The following ADSS2 variants were observed in gnomAD, a reference collection of about 807,000 sequenced individuals.
ADSS2 encodes the protein adenylosuccinate synthase 2, also known as adenylosuccinate synthetase isozyme 2.
Under a neutral mutation model 60.0 loss-of-function variants are expected in ADSS2, and 30 were observed. That is an observed-to-expected ratio of 0.50 (90% confidence interval 0.37 to 0.68). The LOEUF (loss-of-function observed/expected upper bound fraction) is 0.68, where lower values mean the gene tolerates loss of function less well. Among genes scored for constraint, ADSS2 ranks in the 30% least tolerant of loss-of-function variants. The probability of loss-of-function intolerance (pLI) is 0.00; values close to 1 mark genes in which losing one functional copy is unlikely to be tolerated. For synonymous variants in ADSS2, 187 were observed against 193.1 expected, an observed-to-expected ratio of 0.97 and a Z score of 0.26; for missense variants, 373 against 554.8, an observed-to-expected ratio of 0.67 and a Z score of 3.29.
Position 244,447,963 on chromosome 1 carries a change from T to C in ADSS2, c.183+3672A>G, listed in dbSNP as rs150193960. 1.9e-4 allele frequency among the ~76,000 whole-genome samples: 29 copies of C among 152,248 alleles called. No individual in the cohort carries two copies. The East Asian group carries it at 3.9e-3, about 20-fold the overall frequency. ...CTCCCTTTTGAGAAAATTTACATTA[T>C]AGTAGAGAAAGCACAGTAACCAAAC... On this transcript the variant is annotated intron_variant, in intron 1 of 12. Transcript: ENST00000366535.
At chr1:244,434,627 G>A (rs1267164419) in intron 3 of ADSS2, among the ~76,000 whole-genome samples, 2 of 152,086 alleles carry the variant, frequency 1.3e-5, no homozygotes, top group African/African-American at 2.4e-5. Context: ...TCTGAAGTTA[G>A]TTTAGGAGAT....
rs1176549264 is a variant in ADSS2, at chr1:244,451,142, A to G, written c.183+493T>C. On this transcript the variant is annotated intron_variant, in intron 1 of 12. Coordinates refer to ENST00000366535, the MANE Select transcript of ADSS2 (RefSeq NM_001126.5). The surrounding 1 kb of genome is among the most constrained non-coding windows in gnomAD (Gnocchi z 6.6). ...TGCAGATGGGGGATCGGTGAGTCTG[A>G]TTTCAGGACGTTTCGAAACAATCCA... Among the ~76,000 whole-genome samples the G allele has an allele frequency of 2.0e-5, 3 of 152,094 alleles. No individual in the cohort carries two copies. Among genetic ancestry groups the G allele is most frequent in the African/African-American group, 7.2e-5 (3 of 41,422 alleles).
chr1:244,419,675 T>C (rs1266661481), intron 8 of ADSS2, among the ~76,000 whole-genome samples: 1 of 152,180 alleles, frequency 6.6e-6, no homozygotes, highest in Non-Finnish European at 1.5e-5. Flanking sequence ...AACAAACTAA[T>C]GAGGCAGTAG....
chr1:244,444,972 C>T (rs1665349179), intron 1 of ADSS2, among the ~76,000 whole-genome samples: 1 of 152,090 alleles, frequency 6.6e-6, no homozygotes, highest in Non-Finnish European at 1.5e-5. Context: ...TAGGAATCAT[C>T]CCCCCAGCCA....
At chr1:244,421,902 A>C (rs1664684643) in intron 7 of ADSS2, among the ~76,000 whole-genome samples, 1 of 152,176 alleles carries the variant, frequency 6.6e-6, no homozygotes, top group African/African-American at 2.4e-5. Flanking sequence ...TGAGCCTAGA[A>C]AGTCAAGGCT....
At chr1:244,415,944 TTATAA>T in intron 11 of ADSS2, 32 bp downstream of exon 11, 1 of 1,427,086 alleles carries the variant, frequency 7.0e-7, no homozygotes, top group Non-Finnish European at 9.8e-7. Context: ...TACATTCACC[TTATAA>T]TATCCTTTAG....
upstream of ADSS2, chr1:244,451,954 G>T (rs1184595748): frequency 2.6e-5 from 24 of 910,308 alleles, no homozygotes; most frequent in Middle Eastern, 3.5e-4. This position sits in a 1 kb window ranked among gnomAD's most constrained non-coding sequence, Gnocchi z 6.6. Context: ...CCGCCGGGCC[G>T]CCACCCTCCA....
At chr1:244,450,320 G>C (rs967396882) in intron 1 of ADSS2, among the ~76,000 whole-genome samples, 2 of 152,248 alleles carry the variant, frequency 1.3e-5, no homozygotes, top group African/African-American at 2.4e-5. Flanking sequence ...GGCTGGAAGG[G>C]AAGGAGGGAG....
At chr1:244,446,889 GT>G (rs1244421944) in intron 1 of ADSS2, among the ~76,000 whole-genome samples, 1 of 151,966 alleles carries the variant, frequency 6.6e-6, no homozygotes, top group African/African-American at 2.4e-5. Flanking sequence ...AGTCAAAAAA[GT>G]TTTCTCAATA....
In ADSS2 at chr1:244,412,761, T is replaced by A. The variant is rs138516907; in HGVS notation, c.1169-1325A>T. On this transcript the variant is annotated intron_variant, in intron 11 of 12. Coordinates refer to ENST00000366535, the MANE Select transcript of ADSS2 (RefSeq NM_001126.5). ...AGTCAGAGCTTTGTTTGGGAAAAAG[T>A]GGGGCCCTGAGACTGAATGGGACAT... 3.3e-3 allele frequency among the ~76,000 whole-genome samples: 507 copies of A among 152,306 alleles called. 3 individuals are homozygous for A. Among genetic ancestry groups the A allele is most frequent in the Non-Finnish European group, 5.0e-3 (342 of 68,012 alleles).
At chr1:244,430,855 C>T (rs553848823) in intron 4 of ADSS2, among the ~76,000 whole-genome samples, 31 of 152,308 alleles carry the variant, frequency 2.0e-4, no homozygotes, top group Admixed American at 4.6e-4. Context: ...GATGCAGTGG[C>T]TCACGCCTGT....
chr1:244,430,471 C>T (rs569464941), intron 4 of ADSS2, among the ~76,000 whole-genome samples: 1 of 152,282 alleles, frequency 6.6e-6, no homozygotes, highest in South Asian at 2.1e-4. Context: ...TGATGCTATA[C>T]GTTATTCAAA....
intron 3 of ADSS2, among the ~76,000 whole-genome samples, chr1:244,433,728 C>T (rs1010527513): frequency 1.3e-5 from 2 of 151,706 alleles, no homozygotes; most frequent in African/African-American, 4.8e-5. Flanking sequence ...TACGTGATGG[C>T]GGGCGCCTGT....
Position 244,411,481 on chromosome 1 carries a change from TG to T in ADSS2, c.1169-46del, listed in dbSNP as rs766253324. ...TTTATTCATGGCACACACTGTTTAC[TG>T]TCAAACAACTTTTTGATATATTGTA... is the stretch of plus-strand genomic sequence containing the variant. On this transcript the variant is annotated intron_variant, in intron 11 of 12. Transcript: ENST00000366535. The T allele has an allele frequency of 2.2e-5, 34 of 1,559,834 alleles. 1 individual carries two copies. The South Asian group carries it at 2.7e-4, about 13-fold the overall frequency.
intron 9 of ADSS2, 87 bp from the exon 10 acceptor site, chr1:244,417,839 C>A: frequency 7.9e-7 from 1 of 1,267,478 alleles, no homozygotes; most frequent in Non-Finnish European, 1.1e-6. Flanking sequence ...CATAGCAAAG[C>A]CTCTTTGAGA....
intron 4 of ADSS2, among the ~76,000 whole-genome samples, chr1:244,430,120 A>C (rs1311957615): frequency 6.6e-6 from 1 of 152,006 alleles, no homozygotes; most frequent in Non-Finnish European, 1.5e-5. Flanking sequence ...AAAATAATTA[A>C]AGAAATATAA....
intron 4 of ADSS2, among the ~76,000 whole-genome samples, chr1:244,428,916 C>T (rs1350017710): frequency 6.6e-6 from 1 of 152,070 alleles, no homozygotes; most frequent in Non-Finnish European, 1.5e-5. Flanking sequence ...AACTTCCTCA[C>T]AAAGATTTTC....
intron 3 of ADSS2, among the ~76,000 whole-genome samples, chr1:244,433,339 C>G (rs1264439890): frequency 6.6e-6 from 1 of 152,218 alleles, no homozygotes; most frequent in Non-Finnish European, 1.5e-5. Flanking sequence ...AGTTTTCTCA[C>G]ATGTCATTCA....
intron 7 of ADSS2, among the ~76,000 whole-genome samples, chr1:244,421,540 A>G (rs529994045): frequency 2.5e-4 from 38 of 152,332 alleles, no homozygotes; most frequent in African/African-American, 7.2e-4. Flanking sequence ...TACATTACCT[A>G]TAAGAATCTT....
Sources: allele counts gnomAD v4.1 joint callset (sites outside exome capture counted in the v4.1 genomes callset), GRCh38; gene constraint gnomAD v4.1.1; non-coding constraint Gnocchi (gnomAD v3.1); transcripts MANE v1.5; gene names NCBI Gene and HGNC (gene_info 2026-07-23, HGNC 2026-07-21).